NUDT19: variants seen among roughly 807,000 people sequenced by gnomAD.
NUDT19 encodes the protein nudix hydrolase 19.
A neutral mutation model predicts 22.2 loss-of-function variants in NUDT19; 31 were observed. The observed-to-expected ratio is 1.40, with a 90% CI of 1.05 to 1.89. NUDT19 has a LOEUF of 1.89. Ranked by LOEUF, NUDT19 falls within the 40% of genes most tolerant of loss-of-function variation. The probability of loss-of-function intolerance (pLI) is 0.00; values close to 1 mark genes in which losing one functional copy is unlikely to be tolerated. For synonymous variants in NUDT19, 325 were observed against 230.8 expected (o/e 1.41, Z -3.70); for missense variants, 752 against 514.2 (o/e 1.46, Z -4.47).
intron 1 of NUDT19, among the ~76,000 whole-genome samples, chr19:32,702,235 A>G (rs1018185420): frequency 3.9e-5 from 6 of 152,230 alleles, no homozygotes; most frequent in Admixed American, 3.3e-4. Flanking sequence ...TTAGAGGGTA[A>G]TTGACCTTGC....
intron 1 of NUDT19, 56 bp from the exon 2 acceptor site, chr19:32,709,129 A>C (rs1396516655): frequency 8.4e-7 from 1 of 1,188,328 alleles, no homozygotes; most frequent in Non-Finnish European, 1.3e-6. Context: ...GACTGTCTCA[A>C]GTCTCACATT....
intron 2 of NUDT19, among the ~76,000 whole-genome samples, chr19:32,711,153 G>GT (rs1435855370): frequency 6.6e-6 from 1 of 152,012 alleles, no homozygotes; most frequent in Non-Finnish European, 1.5e-5. Flanking sequence ...CTGGGGTGTT[G>GT]TAAGGGGATA....
chr19:32,692,616 G>T lies in NUDT19; in HGVS notation c.656G>T (p.Cys219Phe). Residue 219 changes from cysteine (C) to phenylalanine (F), a missense_variant, in exon 1 of 3, where the codon TGC (cysteine) becomes TTC (phenylalanine). Cys to Phe is a radical substitution (Grantham distance 205, BLOSUM62 -2). Transcript: ENST00000397061. ...TRRFDTAFFLCCLREPPPVYP... is the reference protein window; with the variant it reads ...TRRFDTAFFLFCLREPPPVYP... ...CGCTTTGACACGGCCTTCTTCCTGT[G>T]CTGCCTGCGCGAGCCGCCGCCCGTC... is the stretch of plus-strand genomic sequence containing the variant. 1 of 1,544,278 alleles carries T rather than the reference G, an allele frequency of 6.5e-7. No individual in the cohort carries two copies.
chr19:32,702,903 ATACT>A (rs745835163), intron 1 of NUDT19, among the ~76,000 whole-genome samples: 7 of 152,172 alleles, frequency 4.6e-5, no homozygotes, highest in Admixed American at 1.3e-4. Context: ...TTGCAGCAAT[ATACT>A]TATTTGTTCC....
intron 1 of NUDT19, among the ~76,000 whole-genome samples, chr19:32,701,392 G>GA (rs1968334718): frequency 6.6e-6 from 1 of 151,852 alleles, no homozygotes; most frequent in African/African-American, 2.4e-5. Context: ...TTTTAGTAGG[G>GA]ACGGGTTTCA....
rs75564582 is a variant in NUDT19 at position 32,692,253 on chromosome 19, G to A, written c.293G>A (p.Arg98His). ...RFGLGPAPFSRTAFPSLPDTD... is the reference protein window; with the variant it reads ...RFGLGPAPFSHTAFPSLPDTD... Reference sequence around the variant, plus strand: ...GGCCTGGGCCCGGCGCCATTCAGCCGCACCGCTTTCCCGTCGCTGCCCGAC... The same window carrying A: ...GGCCTGGGCCCGGCGCCATTCAGCCACACCGCTTTCCCGTCGCTGCCCGAC... The change falls in exon 1 of 3, where the codon CGC becomes CAC. Residue 98 changes from arginine to histidine, a missense_variant. Arg to His is a conservative substitution (Grantham distance 29). Transcript: ENST00000397061. The A allele has an allele frequency of 1.4e-3, 2,178 of 1,591,960 alleles. 35 individuals are homozygous for A. The African/African-American group carries it at 0.026, about 19-fold the overall frequency.
intron 1 of NUDT19, among the ~76,000 whole-genome samples, chr19:32,700,135 C>A (rs940187993): frequency 6.6e-6 from 1 of 152,236 alleles, no homozygotes; most frequent in African/African-American, 2.4e-5. Flanking sequence ...GAAAGGGACC[C>A]GAGCGGGTTG....
At position 32,692,452 on chromosome 19, in the gene NUDT19, G is replaced by A; in HGVS notation, c.492G>A (p.Leu164=). The A allele has an allele frequency of 5.8e-6, 9 of 1,545,708 alleles. No individual in the cohort carries two copies. The highest frequency in any genetic ancestry group is 7.8e-6 in the Non-Finnish European group (9 of 1,150,664). ...TCGCCCTGGAGCCACCGCCGGGCCT[G>A]GCCTCCTGGCGCGACCGCGTGCGCC... is the stretch of plus-strand genomic sequence containing the variant. ...PGLALEPPPG[L]ASWRDRVRQD... is the part of the protein sequence containing the mutation. Residue 164 remains leucine, a synonymous_variant, in exon 1 of 3, where the codon CTG becomes CTA. Transcript: ENST00000397061.
intron 1 of NUDT19, among the ~76,000 whole-genome samples, chr19:32,704,265 C>CTT (rs35045603): frequency 3.5e-5 from 5 of 140,978 alleles, no homozygotes; most frequent in African/African-American, 7.7e-5. Context: ...TTGCAGGTAA[C>CTT]TTTTTTTTTT....
At chr19:32,704,233 T>C (rs981966821) in intron 1 of NUDT19, among the ~76,000 whole-genome samples, 70 of 152,288 alleles carry the variant, frequency 4.6e-4, no homozygotes, top group African/African-American at 1.5e-3. Context: ...ATAAATTTCT[T>C]AGGAGAGGTC....
chr19:32,707,426 GTA>G (rs1447166149), intron 1 of NUDT19, among the ~76,000 whole-genome samples: 1 of 152,204 alleles, frequency 6.6e-6, no homozygotes, highest in African/African-American at 2.4e-5. Flanking sequence ...GTTTAAGCAT[GTA>G]CGAGCTTGCA....
At chr19:32,710,372 T>G (rs1188075759) in intron 2 of NUDT19, among the ~76,000 whole-genome samples, 10 of 144,258 alleles carry the variant, frequency 6.9e-5, no homozygotes, top group Admixed American at 6.3e-4. Context: ...AATTATGAAA[T>G]TATGAAGAAA....
Position 32,712,179 on chromosome 19 carries a change from A to G in NUDT19, c.*222A>G. The G allele has an allele frequency of 2.3e-6, 1 of 426,482 alleles. No homozygotes were observed. Among genetic ancestry groups the G allele is most frequent in the Non-Finnish European group, 4.2e-6 (1 of 238,332 alleles). The allele number at this position is 426,482 out of a possible 1,614,324, so 26.4% of individuals were successfully genotyped here. A position where few individuals can be genotyped will look rare whatever the true frequency, so the allele number is the denominator to read the frequency against. On this transcript the variant is annotated 3_prime_UTR_variant, in exon 3 of 3. Transcript: ENST00000397061. The stretch of plus-strand genomic sequence containing the variant: ...AAGCTCTGCCTCAGGGGTTCATGCC[A>G]TTCTCCTGCCTCAGCCTCCCGAGTA...
rs748483677 is a variant in NUDT19 at position 32,692,487 on chromosome 19, G to A, written c.527G>A (p.Arg176His). 54 of 1,554,180 alleles carry A rather than the reference G, an allele frequency of 3.5e-5. No homozygotes were observed. In the Middle Eastern group the frequency reaches 6.9e-4, roughly 20 times the overall value. Residue 176 changes from arginine to histidine, a missense_variant, in exon 1 of 3, where the codon CGC becomes CAC. Arg to His is a conservative substitution (Grantham distance 29, BLOSUM62 0). Coordinates refer to ENST00000397061, the MANE Select transcript of NUDT19 (RefSeq NM_001105570.2). ...SWRDRVRQDP[R>H]HFLRLCAHLD... ...CGCGACCGCGTGCGCCAGGACCCGC[G>A]CCACTTCCTGCGGCTGTGCGCCCAC...
At chr19:32,699,420 G>C (rs1968306570) in intron 1 of NUDT19, among the ~76,000 whole-genome samples, 1 of 152,300 alleles carries the variant, frequency 6.6e-6, no homozygotes, top group South Asian at 2.1e-4. Context: ...CGGGACCCCG[G>C]AGCTGAATGG....
intron 1 of NUDT19, among the ~76,000 whole-genome samples, chr19:32,696,638 C>T (rs1421844321): frequency 6.6e-6 from 1 of 152,142 alleles, no homozygotes; most frequent in Admixed American, 6.6e-5. Flanking sequence ...CTAATATATC[C>T]CTCCCTAATA....
At chr19:32,708,914 T>G (rs1367456766) in intron 1 of NUDT19, among the ~76,000 whole-genome samples, 1 of 152,206 alleles carries the variant, frequency 6.6e-6, no homozygotes, top group East Asian at 1.9e-4. Flanking sequence ...CCACCTCTTA[T>G]GCTGAACAGC....
In NUDT19 at chr19:32,692,140, C is replaced by G. The variant is rs761618438; in HGVS notation, c.180C>G (p.His60Gln). Residue 60 changes from histidine (H) to glutamine (Q), a missense_variant, in exon 1 of 3, where the codon CAC becomes CAG. His to Gln is a conservative substitution (Grantham distance 24). Transcript: ENST00000397061. ...SPHQGFMPGA[H>Q]VFSGGVLDAA... The stretch of plus-strand genomic sequence containing the variant: ...ACCAAGGCTTCATGCCGGGCGCGCA[C>G]GTCTTCTCCGGCGGAGTGCTGGATG... The G allele has an allele frequency of 7.8e-5, 116 of 1,491,660 alleles. No homozygotes were observed. Among genetic ancestry groups the G allele is most frequent in the Non-Finnish European group, 1.0e-4 (114 of 1,130,132 alleles). The allele number at this position is 1,491,660 out of a possible 1,614,324, so 92.4% of individuals were successfully genotyped here.
rs948416975 is a variant in NUDT19, at chr19:32,712,509, C to T, written c.*552C>T. 1 of 151,834 alleles carries T rather than the reference C, an allele frequency of 6.6e-6. No individual in the cohort carries two copies. The highest frequency in any genetic ancestry group is 2.4e-5 in the African/African-American group (1 of 41,062). The allele number at this position is 151,834 out of a possible 1,614,324, so 9.4% of individuals were successfully genotyped here. A position where few individuals can be genotyped will look rare whatever the true frequency, so the allele number is the denominator to read the frequency against. On this transcript the variant is annotated 3_prime_UTR_variant, in exon 3 of 3. Transcript: ENST00000397061. ...CCAGGTTCCAGCGATTCTCATGCCT[C>T]AGCCTCCTGAGTAGCTGGGACTATA...
Sources: allele counts gnomAD v4.1 joint callset (sites outside exome capture counted in the v4.1 genomes callset), GRCh38; gene constraint gnomAD v4.1.1; transcripts MANE v1.5; gene names NCBI Gene and HGNC (gene_info 2026-07-23, HGNC 2026-07-21).